Variants in CPA6 observed in about 807,000 individuals in gnomAD.
CPA6 encodes carboxypeptidase A6.
Under a neutral mutation model 63.3 loss-of-function variants are expected in CPA6, and 58 were observed. That is an observed-to-expected ratio of 0.92 (90% CI 0.74 to 1.14). The LOEUF is 1.14. Ranked by LOEUF, CPA6 falls within the 50% of genes most tolerant of loss-of-function variation. The pLI, the probability that CPA6 is intolerant of heterozygous loss-of-function variation, is 0.00. For missense variants in CPA6, 565 were observed against 526.6 expected (o/e 1.07, Z -0.71); for synonymous variants, 185 against 179.0 (o/e 1.03, Z -0.27).
intron 1 of CPA6, among the ~76,000 whole-genome samples, chr8:67,732,257 C>G (rs1057141455): frequency 2.6e-5 from 4 of 152,184 alleles, no homozygotes; most frequent in Non-Finnish European, 5.9e-5. Flanking sequence ...CACATTCCTC[C>G]GAAAGCCGTA....
At chr8:67,581,500 T>G (rs1009372464) in intron 2 of CPA6, among the ~76,000 whole-genome samples, 1 of 152,196 alleles carries the variant, frequency 6.6e-6, no homozygotes, top group Non-Finnish European at 1.5e-5. Context: ...AGCAGGATAT[T>G]TTTTCCCTGA....
chr8:67,684,229 A>G (rs1455623244), intron 1 of CPA6, among the ~76,000 whole-genome samples: 1 of 151,292 alleles, frequency 6.6e-6, no homozygotes, highest in African/African-American at 2.4e-5. Context: ...GGCAAGTCTT[A>G]TTTTCCTCAC....
intron 2 of CPA6, among the ~76,000 whole-genome samples, chr8:67,529,487 T>C (rs1330554025): frequency 6.6e-6 from 1 of 152,040 alleles, no homozygotes; most frequent in Non-Finnish European, 1.5e-5. Context: ...AAAATCTGAG[T>C]GAGGACTCTA....
intron 8 of CPA6, among the ~76,000 whole-genome samples, chr8:67,435,624 G>A (rs959831465): frequency 2.2e-5 from 3 of 137,326 alleles, no homozygotes; most frequent in Non-Finnish European, 3.1e-5. Context: ...GTGTGTGTGC[G>A]TGCATGTGTG....
chr8:67,448,347 T>C (rs181673985), intron 8 of CPA6, among the ~76,000 whole-genome samples: 10 of 152,184 alleles, frequency 6.6e-5, no homozygotes, highest in African/African-American at 2.4e-4. Flanking sequence ...TTGTAAAAAA[T>C]GGCTTTTGTT....
chr8:67,692,654 A>T (rs1816836401), intron 1 of CPA6, among the ~76,000 whole-genome samples: 1 of 152,196 alleles, frequency 6.6e-6, no homozygotes, highest in South Asian at 2.1e-4. Flanking sequence ...ACTATTTTTC[A>T]TTACAACTAG....
At chr8:67,731,171 T>C (rs1160994891) in intron 1 of CPA6, among the ~76,000 whole-genome samples, 1 of 152,176 alleles carries the variant, frequency 6.6e-6, no homozygotes, top group African/African-American at 2.4e-5. Flanking sequence ...AAGCTACCAA[T>C]AGCTGGGTCC....
intron 1 of CPA6, among the ~76,000 whole-genome samples, chr8:67,717,028 TAAAAAC>T (rs1406455961): frequency 2.0e-5 from 3 of 152,026 alleles, no homozygotes; most frequent in African/African-American, 7.2e-5. Flanking sequence ...AAGAAAAAAA[TAAAAAC>T]AATAACAGAA....
intron 2 of CPA6, among the ~76,000 whole-genome samples, chr8:67,603,210 C>A (rs1814541804): frequency 1.3e-5 from 2 of 152,070 alleles, no homozygotes; most frequent in African/African-American, 4.8e-5. Context: ...TGAAATGTTT[C>A]CAAATTAAGT....
intron 8 of CPA6, among the ~76,000 whole-genome samples, chr8:67,469,695 G>A (rs147385658): frequency 3.9e-5 from 6 of 152,282 alleles, no homozygotes; most frequent in Admixed American, 6.5e-5. Context: ...GAACTGCAAC[G>A]TGGGCACATC....
intron 1 of CPA6, among the ~76,000 whole-genome samples, chr8:67,714,518 G>A (rs1817337658): frequency 6.6e-6 from 1 of 152,160 alleles, no homozygotes; most frequent in South Asian, 2.1e-4. Flanking sequence ...CCCAATCATA[G>A]GGAGACCCTG....
chr8:67,659,802 A>G (rs777885200), intron 1 of CPA6, among the ~76,000 whole-genome samples: 1 of 152,236 alleles, frequency 6.6e-6, no homozygotes, highest in African/African-American at 2.4e-5. Context: ...CACATTTATC[A>G]TAAGTAATAA....
intron 2 of CPA6, among the ~76,000 whole-genome samples, chr8:67,611,759 A>T (rs1814811841): frequency 6.6e-6 from 1 of 152,178 alleles, no homozygotes; most frequent in Non-Finnish European, 1.5e-5. Context: ...AGGCCCAGTG[A>T]CACTTACTCT....
intron 8 of CPA6, among the ~76,000 whole-genome samples, chr8:67,434,607 G>A (rs1269979360): frequency 1.3e-5 from 2 of 152,208 alleles, no homozygotes; most frequent in East Asian, 3.9e-4. Flanking sequence ...GAAAGAAAAG[G>A]CTATGCTGCC....
At chr8:67,660,658 A>G (rs1450187137) in intron 1 of CPA6, among the ~76,000 whole-genome samples, 6 of 151,792 alleles carry the variant, frequency 4.0e-5, no homozygotes, top group African/African-American at 1.2e-4. Flanking sequence ...TACAGTTTTA[A>G]CGAATTGTAA....
chr8:67,640,282 T>G (rs1815560954), intron 1 of CPA6, among the ~76,000 whole-genome samples: 1 of 151,096 alleles, frequency 6.6e-6, no homozygotes, highest in South Asian at 2.1e-4. Context: ...GCACCTAGGC[T>G]ATTTGTGCCA....
chr8:67,571,059 A>G (rs1193824793), intron 2 of CPA6, among the ~76,000 whole-genome samples: 1 of 152,226 alleles, frequency 6.6e-6, no homozygotes, highest in East Asian at 1.9e-4. Flanking sequence ...ACTTGCTTGT[A>G]TCAGACAAAA....
intron 1 of CPA6, among the ~76,000 whole-genome samples, chr8:67,633,542 G>A (rs1363113057): frequency 6.6e-6 from 1 of 152,046 alleles, no homozygotes; most frequent in Non-Finnish European, 1.5e-5. Flanking sequence ...TTAGCCGGGC[G>A]TGGTGGCGGG....
At chr8:67,582,126 A>G (rs1813789523) in intron 2 of CPA6, among the ~76,000 whole-genome samples, 1 of 152,214 alleles carries the variant, frequency 6.6e-6, no homozygotes, top group African/African-American at 2.4e-5. Context: ...ATGTAGAAAT[A>G]AAAGGTGAAC....
Sources: gnomAD v4.1 joint callset for allele counts (sites outside exome capture counted in the v4.1 genomes callset) on GRCh38, gnomAD v4.1.1 for gene constraint, MANE v1.5 for transcripts, NCBI Gene and HGNC (gene_info 2026-07-23, HGNC 2026-07-21) for gene names.